VWC2L: variants seen among roughly 807,000 people sequenced by gnomAD.
VWC2L encodes the protein von Willebrand factor C domain containing 2 like.
VWC2L carries 10 observed loss-of-function variants against 21.6 expected under a neutral mutation model. That is an observed-to-expected ratio of 0.46 (90% CI 0.29 to 0.78). The LOEUF (loss-of-function observed/expected upper bound fraction) is 0.78, where lower values mean the gene tolerates loss of function less well. Ranked by LOEUF, VWC2L falls within the 30% of genes least tolerant of loss-of-function variation. VWC2L has a pLI of 0.10. For synonymous variants in VWC2L, 96 were observed against 94.3 expected (o/e 1.02, Z -0.10); for missense variants, 209 against 277.1 (o/e 0.75, Z 1.74).
intron 3 of VWC2L, among the ~76,000 whole-genome samples, chr2:214,452,156 G>GT (rs1232021824): frequency 6.6e-6 from 1 of 151,930 alleles, no homozygotes; most frequent in African/African-American, 2.4e-5. Context: ...TTGGCTTTTT[G>GT]TGTGTGTGTT....
chr2:214,519,657 C>A lies in VWC2L; in HGVS notation c.521-56015C>A, dbSNP rs545379137. Among the ~76,000 whole-genome samples, 14 of 152,256 alleles carry A rather than the reference C, an allele frequency of 9.2e-5. No homozygotes were observed. The South Asian group carries it at 2.5e-3, about 27-fold the overall frequency. ...CTCAGAGTATTAGTAGCCTGGTCTC[C>A]AATTACAAAAGCCTTTCGCTTCCTC... is the stretch of plus-strand genomic sequence containing the variant. On this transcript the variant is annotated intron_variant, in intron 3 of 3. Coordinates refer to ENST00000312504, the MANE Select transcript of VWC2L (RefSeq NM_001080500.4).
rs1703312500 is a variant in VWC2L, at chr2:214,471,689, C to T, written c.520+34931C>T. ...CTACGAAGAGACTACTTGGATACAA[C>T]ACTGTCAGTAATAAACTCTATTAAC... On this transcript the variant is annotated intron_variant, in intron 3 of 3. Transcript: ENST00000312504. 1.3e-5 allele frequency among the ~76,000 whole-genome samples: 2 copies of T among 152,218 alleles called. 1 individual carries two copies. Among genetic ancestry groups the T allele is most frequent in the South Asian group, 4.1e-4 (2 of 4,828 alleles).
At chr2:214,566,991 T>C (rs1157439521) in intron 3 of VWC2L, among the ~76,000 whole-genome samples, 1 of 152,154 alleles carries the variant, frequency 6.6e-6, no homozygotes, top group Admixed American at 6.6e-5. Context: ...AAGCCTACTA[T>C]TAGCTGAAAC....
chr2:214,474,992 G>T (rs1158575679), intron 3 of VWC2L, among the ~76,000 whole-genome samples: 1 of 152,116 alleles, frequency 6.6e-6, no homozygotes, highest in Non-Finnish European at 1.5e-5. Context: ...AGAGAATTAG[G>T]AATCTGGTTT....
chr2:214,439,164 A>AT (rs1400619833), intron 3 of VWC2L, among the ~76,000 whole-genome samples: 1 of 152,070 alleles, frequency 6.6e-6, no homozygotes, highest in East Asian at 1.9e-4. Flanking sequence ...AGTGGTACCA[A>AT]TAATTTTATT....
At chr2:214,571,221 A>G (rs1451562968) in intron 3 of VWC2L, among the ~76,000 whole-genome samples, 1 of 152,176 alleles carries the variant, frequency 6.6e-6, no homozygotes, top group African/African-American at 2.4e-5. Flanking sequence ...ATGCACTCCT[A>G]GCTACCTGTC....
intron 3 of VWC2L, among the ~76,000 whole-genome samples, chr2:214,537,595 A>G (rs1689556066): frequency 6.6e-6 from 1 of 152,010 alleles, no homozygotes. Flanking sequence ...CAAAGGGTAC[A>G]AAGTTAAAGT....
intron 3 of VWC2L, among the ~76,000 whole-genome samples, chr2:214,494,621 A>C (rs1156772591): frequency 6.6e-6 from 1 of 152,184 alleles, no homozygotes; most frequent in Non-Finnish European, 1.5e-5. Context: ...TCTTCAGATC[A>C]TCTTTATTTA....
chr2:214,575,742 CTGTCAT>C lies in VWC2L; in HGVS notation c.597_602del (p.Cys200_His201del). The C allele has an allele frequency of 6.2e-7, 1 of 1,613,602 alleles. No individual in the cohort carries two copies. The highest frequency in any genetic ancestry group is 8.5e-7 in the Non-Finnish European group (1 of 1,179,572). ...AAGTGAAAGTGGACGAATGTAACATCTGTCATTGTCACAACGGGGACTGGTGGAAGC... is the reference window on the plus strand; with the variant it reads ...AAGTGAAAGTGGACGAATGTAACATCTGTCACAACGGGGACTGGTGGAAGC... On this transcript the variant is annotated inframe_deletion, in exon 4 of 4. Transcript: ENST00000312504.
intron 2 of VWC2L, among the ~76,000 whole-genome samples, chr2:214,419,186 G>A (rs1702398186): frequency 6.6e-6 from 1 of 152,030 alleles, no homozygotes; most frequent in African/African-American, 2.4e-5. Flanking sequence ...AAATTCTCCA[G>A]GGTTCTGGTA....
intron 3 of VWC2L, among the ~76,000 whole-genome samples, chr2:214,554,434 C>T (rs538437983): frequency 3.9e-4 from 60 of 152,096 alleles, no homozygotes; most frequent in African/African-American, 1.2e-3. Context: ...GGGGCCGAGG[C>T]GGGTGGATCA....
Position 214,436,770 on chromosome 2 carries a change from C to T in VWC2L, c.520+12C>T. 1.9e-6 allele frequency: 3 copies of T among 1,612,660 alleles called. No homozygotes were observed. The highest frequency in any genetic ancestry group is 2.5e-6 in the Non-Finnish European group (3 of 1,178,942). On this transcript the variant is annotated intron_variant, in intron 3 of 3. Transcript: ENST00000312504. ...TGTCTGCAAAAATGGTAAGACCACA[C>T]TGCATTAGCTTTTGAAGAGGGGTTC... is the stretch of plus-strand genomic sequence containing the variant.
chr2:214,503,434 T>C (rs1020149763), intron 3 of VWC2L, among the ~76,000 whole-genome samples: 3 of 152,066 alleles, frequency 2.0e-5, no homozygotes, highest in Admixed American at 1.3e-4. Context: ...ACCAAGGCCA[T>C]AGTAAAATAT....
At chr2:214,535,522 T>A (rs962549576) in intron 3 of VWC2L, among the ~76,000 whole-genome samples, 3 of 152,050 alleles carry the variant, frequency 2.0e-5, no homozygotes, top group African/African-American at 7.2e-5. Flanking sequence ...AGACCAGGTT[T>A]ATTACATTCA....
intron 2 of VWC2L, among the ~76,000 whole-genome samples, chr2:214,435,312 A>C (rs1203191937): frequency 6.6e-6 from 1 of 152,222 alleles, no homozygotes; most frequent in Non-Finnish European, 1.5e-5. Flanking sequence ...TAAAGAGTTT[A>C]ACTGTACCCT....
At chr2:214,453,722 TTTC>T (rs1465448166) in intron 3 of VWC2L, among the ~76,000 whole-genome samples, 12 of 77,000 alleles carry the variant, frequency 1.6e-4, no homozygotes, top group Non-Finnish European at 2.4e-4. Context: ...AAGAATTTTT[TTTC>T]TTTTTTTTTT....
At chr2:214,421,621 A>G (rs1702441376) in intron 2 of VWC2L, among the ~76,000 whole-genome samples, 1 of 152,046 alleles carries the variant, frequency 6.6e-6, no homozygotes. Context: ...TGTCACTGTT[A>G]GTGACTACCC....
chr2:214,492,679 G>A (rs1338108811), intron 3 of VWC2L, among the ~76,000 whole-genome samples: 1 of 152,150 alleles, frequency 6.6e-6, no homozygotes, highest in East Asian at 1.9e-4. Flanking sequence ...TAATTTAAAG[G>A]AGACATCAAT....
rs139916605 is a variant in VWC2L at position 214,439,279 on chromosome 2, T to C, written c.520+2521T>C. Among the ~76,000 whole-genome samples the C allele has an allele frequency of 4.2e-3, 637 of 152,066 alleles. 4 individuals carry two copies. Among genetic ancestry groups the C allele is most frequent in the African/African-American group, 0.015 (615 of 41,526 alleles). Reference sequence around the variant, plus strand: ...ATAGAAGACATGGAGGAAAAATAAATGTTTATTATGACAGTATAACTGGAA... The same window carrying C: ...ATAGAAGACATGGAGGAAAAATAAACGTTTATTATGACAGTATAACTGGAA... On this transcript the variant is annotated intron_variant, in intron 3 of 3. Transcript: ENST00000312504.
Sources: allele counts gnomAD v4.1 joint callset (sites outside exome capture counted in the v4.1 genomes callset), GRCh38; gene constraint gnomAD v4.1.1; transcripts MANE v1.5; gene names NCBI Gene and HGNC (gene_info 2026-07-23, HGNC 2026-07-21).